ANKRD36: variants seen among roughly 807,000 people sequenced by gnomAD.
ANKRD36 encodes the protein ankyrin repeat domain-containing protein 36A.
A neutral mutation model predicts 278.1 loss-of-function variants in ANKRD36; 179 were observed. The ratio of observed to expected loss-of-function variants is 0.64; its 90% CI spans 0.57 to 0.73. ANKRD36 has a LOEUF of 0.73. ANKRD36 is among the 30% of genes least tolerant of loss of function. ANKRD36 has a pLI of 0.00. For synonymous variants in ANKRD36, 320 were observed against 641.1 expected, an observed-to-expected ratio of 0.50 and a Z score of 7.57; for missense variants, 1,159 against 1,956.7, an observed-to-expected ratio of 0.59 and a Z score of 7.69.
At position 97,194,933 on chromosome 2, in the gene ANKRD36, A is replaced by G. The variant is rs770849566; in HGVS notation, c.2551+16A>G. 66 of 1,542,544 alleles carry G rather than the reference A, an allele frequency of 4.3e-5. No individual in the cohort carries two copies. The highest frequency in any genetic ancestry group is 5.2e-6 in the Non-Finnish European group (6 of 1,147,016). ...TCTAGGAAAGGTAATTTTGCGAAACACATTTAATGTCATGTTCAGTCCAGA... is the reference window on the plus strand; with the variant it reads ...TCTAGGAAAGGTAATTTTGCGAAACGCATTTAATGTCATGTTCAGTCCAGA... On this transcript the variant is annotated intron_variant, in intron 40 of 75. Transcript: ENST00000420699.
Position 97,200,350 on chromosome 2 carries a change from A to ACCAT in ANKRD36, c.2775_2778dup (p.Leu927IlefsTer7), listed in dbSNP as rs756700885. 1.9e-6 allele frequency: 3 copies of ACCAT among 1,606,672 alleles called. No individual in the cohort carries two copies. The South Asian group carries it at 3.3e-5, about 18-fold the overall frequency. ...GCTTTTCAGTGTCTTCTCGGAAAAA[A>ACCAT]CCATCCTTGGAGGTAATGAAACTCT... is the stretch of plus-strand genomic sequence containing the variant. On this transcript the variant is annotated frameshift_variant, in exon 45 of 76. Coordinates refer to ENST00000420699, the MANE Select transcript of ANKRD36 (RefSeq NM_001354587.1). LOFTEE classifies it high-confidence loss of function.
intron 52 of ANKRD36, among the ~76,000 whole-genome samples, chr2:97,206,482 T>G (rs1373816023): frequency 2.0e-5 from 3 of 151,464 alleles, no homozygotes; most frequent in South Asian, 2.1e-4. Context: ...TTTACAGATG[T>G]CACATCATAC....
chr2:97,205,987 A>T lies in ANKRD36; in HGVS notation c.3090+19A>T, dbSNP rs1042893791. ...CTTGAAGGTAATGAAACTCCCATTTATATTGTGAACGAGTTAATATATGGT... is the reference window on the plus strand; with the variant it reads ...CTTGAAGGTAATGAAACTCCCATTTTTATTGTGAACGAGTTAATATATGGT... On this transcript the variant is annotated intron_variant, in intron 51 of 75. Coordinates refer to ENST00000420699, the MANE Select transcript of ANKRD36 (RefSeq NM_001354587.1). 1.5e-5 allele frequency: 23 copies of T among 1,551,888 alleles called. No homozygotes were observed. Among genetic ancestry groups the T allele is most frequent in the Non-Finnish European group, 2.0e-5 (23 of 1,152,140 alleles).
chr2:97,230,343 A>T (rs1318380741), intron 67 of ANKRD36, among the ~76,000 whole-genome samples: 1 of 151,914 alleles, frequency 6.6e-6, no homozygotes, highest in Admixed American at 6.6e-5. Context: ...GTTTCTTTTC[A>T]TTCTTTTTTC....
At chr2:97,165,046 T>C (rs966332269) in intron 20 of ANKRD36, among the ~76,000 whole-genome samples, 4 of 152,178 alleles carry the variant, frequency 2.6e-5, no homozygotes, top group Non-Finnish European at 5.9e-5. Context: ...GTTTTGGCCT[T>C]AGAATATTTT....
rs1158457379 is a variant in ANKRD36 at position 97,209,428 on chromosome 2, C to T, written c.3266-253C>T. 1.2e-4 allele frequency among the ~76,000 whole-genome samples: 17 copies of T among 146,486 alleles called. 1 individual carries two copies. The highest frequency in any genetic ancestry group is 3.2e-4 in the African/African-American group (12 of 37,680). On this transcript the variant is annotated intron_variant, in intron 54 of 75. Transcript: ENST00000420699. ...CGGCATATCCACATTGAGATTGACA[C>T]GGTTTTATTTTAGTTTTTGACACGT...
chr2:97,220,775 A>ATTTTTTTTTTT (rs58512786), intron 66 of ANKRD36, among the ~76,000 whole-genome samples: 7 of 62,714 alleles, frequency 1.1e-4, no homozygotes, highest in African/African-American at 2.1e-4. Flanking sequence ...TTTTTTTTTA[A>ATTTTTTTTTTT]TTTTTTTTTT....
chr2:97,171,551 T>G (rs1211366403), intron 22 of ANKRD36, among the ~76,000 whole-genome samples: 12 of 65,322 alleles, frequency 1.8e-4, no homozygotes, highest in Non-Finnish European at 2.3e-4. Flanking sequence ...GGGACTGTGG[T>G]GGGGTGGGGG....
At chr2:97,182,126 G>A (rs1284664536) in intron 26 of ANKRD36, among the ~76,000 whole-genome samples, 1 of 151,376 alleles carries the variant, frequency 6.6e-6, no homozygotes, top group African/African-American at 2.4e-5. Flanking sequence ...AGATTTTACA[G>A]ACATCACATC....
At chr2:97,155,110 A>G (rs1384128478) in intron 15 of ANKRD36, among the ~76,000 whole-genome samples, 2 of 138,386 alleles carry the variant, frequency 1.4e-5, no homozygotes, top group Non-Finnish European at 3.3e-5. Flanking sequence ...TATGAGTATG[A>G]CTAATAATAC....
At chr2:97,165,001 G>A (rs1455424478) in intron 20 of ANKRD36, among the ~76,000 whole-genome samples, 8 of 152,038 alleles carry the variant, frequency 5.3e-5, no homozygotes, top group Admixed American at 1.3e-4. Flanking sequence ...TAACTCTTTG[G>A]TAGATACAGT....
chr2:97,121,219 A>T (rs1450453772), intron 3 of ANKRD36, among the ~76,000 whole-genome samples: 2 of 152,158 alleles, frequency 1.3e-5, no homozygotes, highest in Non-Finnish European at 2.9e-5. Flanking sequence ...TTCTTTATAC[A>T]TACCATAAAT....
intron 15 of ANKRD36, among the ~76,000 whole-genome samples, chr2:97,156,100 G>C (rs369202024): frequency 0.017 from 2,412 of 145,442 alleles, 124 homozygotes; most frequent in African/African-American, 0.056. Context: ...CGGATACAGC[G>C]TGTTTTCTAA....
At chr2:97,177,685 A>G (rs1476937405) in intron 22 of ANKRD36, among the ~76,000 whole-genome samples, 1 of 151,824 alleles carries the variant, frequency 6.6e-6, no homozygotes, top group African/African-American at 2.4e-5. Context: ...TTCAAGATGG[A>G]TTAAAGACTT....
rs201472635 is a variant in ANKRD36 at position 97,184,808 on chromosome 2, A to G, written c.1940-508A>G. On this transcript the variant is annotated intron_variant, in intron 28 of 75. Coordinates refer to ENST00000420699, the MANE Select transcript of ANKRD36 (RefSeq NM_001354587.1). ...CATATATCCAAGCTGATCAATTTAG[A>G]TCCCTTCCACTTAAGAGACGTGAAG... Among the ~76,000 whole-genome samples the G allele has an allele frequency of 6.9e-3, 1,047 of 151,852 alleles. 53 individuals carry two copies. In the East Asian group the frequency reaches 0.11, roughly 16 times the overall value.
At chr2:97,209,031 G>T (rs1450256523) in intron 54 of ANKRD36, among the ~76,000 whole-genome samples, 2 of 146,572 alleles carry the variant, frequency 1.4e-5, no homozygotes, top group Non-Finnish European at 3.0e-5. Flanking sequence ...GCCAAGAGTG[G>T]ATGAAGAAGC....
rs71429325 is a variant in ANKRD36, at chr2:97,143,736, A to T, written c.902-782A>T. Among the ~76,000 whole-genome samples, 10 of 152,404 alleles carry T rather than the reference A, an allele frequency of 6.6e-5. No homozygotes were observed. The South Asian group carries it at 1.9e-3, about 28-fold the overall frequency. ...GTTATTTTCAATGAATATCAGAGCA[A>T]TTTCCAAATGGAAAAGCTTATTCAT... On this transcript the variant is annotated intron_variant, in intron 8 of 75. Transcript: ENST00000420699.
intron 67 of ANKRD36, among the ~76,000 whole-genome samples, chr2:97,228,421 T>G (rs1389104027): frequency 2.6e-5 from 4 of 152,068 alleles, no homozygotes; most frequent in Admixed American, 6.6e-5. Flanking sequence ...AGTTTATTTG[T>G]GTAGAGGTGT....
intron 47 of ANKRD36, 37 bp from the exon 48 acceptor site, chr2:97,202,284 A>T (rs2061594979): frequency 6.2e-7 from 1 of 1,601,102 alleles, no homozygotes. Flanking sequence ...TCTATGAAAC[A>T]TACTTTATTT....
Sources: allele counts gnomAD v4.1 joint callset (sites outside exome capture counted in the v4.1 genomes callset), GRCh38; gene constraint gnomAD v4.1.1; transcripts MANE v1.5; gene names NCBI Gene and HGNC (gene_info 2026-07-23, HGNC 2026-07-21).